The following TMTC1 variants were observed in gnomAD, a reference collection of about 807,000 sequenced individuals.
TMTC1 encodes the protein protein O-mannosyl-transferase TMTC1.
A neutral mutation model predicts 104.8 loss-of-function variants in TMTC1; 73 were observed. The observed-to-expected ratio is 0.70, with a 90% CI of 0.58 to 0.85. The LOEUF is 0.85. TMTC1 is among the 40% of genes least tolerant of loss of function. TMTC1 has a pLI of 0.00. For synonymous variants in TMTC1, 434 were observed against 428.7 expected, an observed-to-expected ratio of 1.01 and a Z score of -0.15; for missense variants, 1,035 against 1,096.1, an observed-to-expected ratio of 0.94 and a Z score of 0.79.
At chr12:29,529,615 A>G (rs191901754) in intron 11 of TMTC1, among the ~76,000 whole-genome samples, 1 of 152,216 alleles carries the variant, frequency 6.6e-6, no homozygotes, top group Non-Finnish European at 1.5e-5. Flanking sequence ...TCTCCAAGAA[A>G]CTATTCAAGA....
At chr12:29,686,825 C>T (rs2136738616) in intron 5 of TMTC1, among the ~76,000 whole-genome samples, 1 of 152,324 alleles carries the variant, frequency 6.6e-6, no homozygotes, top group East Asian at 1.9e-4. Flanking sequence ...CTAGCTATAA[C>T]AATCTCATCT....
At chr12:29,698,058 G>C (rs1941476547) in intron 5 of TMTC1, among the ~76,000 whole-genome samples, 1 of 152,076 alleles carries the variant, frequency 6.6e-6, no homozygotes, top group South Asian at 2.1e-4. Context: ...GCTGGAAGAG[G>C]CTTTCCTCTG....
In TMTC1 at chr12:29,751,737, G is replaced by C. The variant is rs142288626; in HGVS notation, c.867C>G (p.His289Gln). The C allele has an allele frequency of 2.9e-5, 47 of 1,614,038 alleles. No homozygotes were observed. The African/African-American group carries it at 5.5e-4, about 19-fold the overall frequency. ...FPHKGAWGGC[H>Q]SPLPPEPKSS... ...TCTTGGGTTCTGGTGGCAGTGGAGA[G>C]TGGCAGCCACCCCAAGCTCCTTTGT... is the stretch of plus-strand genomic sequence containing the variant. The change falls in exon 5 of 18, where the codon CAC becomes CAG. Residue 289 changes from histidine to glutamine, a missense_variant. His to Gln is a conservative substitution (Grantham distance 24). Coordinates refer to ENST00000539277, the MANE Select transcript of TMTC1 (RefSeq NM_001193451.2).
chr12:29,610,199 A>G (rs16934622), intron 6 of TMTC1, among the ~76,000 whole-genome samples: 2,293 of 152,282 alleles, frequency 0.015, 49 homozygotes, highest in African/African-American at 0.052. Flanking sequence ...GTGGACCTCA[A>G]AAAAGGATCG....
chr12:29,712,195 C>T (rs1240431230), intron 5 of TMTC1, among the ~76,000 whole-genome samples: 1 of 152,088 alleles, frequency 6.6e-6, no homozygotes, highest in Non-Finnish European at 1.5e-5. Flanking sequence ...GTTTATCTTA[C>T]ATTATGTTGA....
chr12:29,647,096 C>T (rs1283594172), intron 5 of TMTC1, among the ~76,000 whole-genome samples: 1 of 152,200 alleles, frequency 6.6e-6, no homozygotes, highest in African/African-American at 2.4e-5. Context: ...AATCTCGGCT[C>T]ACTGCAACAT....
chr12:29,669,258 C>G (rs1190774171), intron 5 of TMTC1, among the ~76,000 whole-genome samples: 1 of 152,192 alleles, frequency 6.6e-6, no homozygotes, highest in Admixed American at 6.5e-5. Flanking sequence ...GCTGGAAGAT[C>G]TAATACTGGT....
intron 8 of TMTC1, among the ~76,000 whole-genome samples, chr12:29,572,496 C>A (rs918725511): frequency 6.6e-6 from 1 of 152,172 alleles, no homozygotes; most frequent in Non-Finnish European, 1.5e-5. Context: ...AAACATAGGA[C>A]CTTTGTTGTG....
chr12:29,758,327 C>A (rs980468586), intron 3 of TMTC1, among the ~76,000 whole-genome samples: 2 of 151,960 alleles, frequency 1.3e-5, no homozygotes, highest in African/African-American at 4.8e-5. Flanking sequence ...GTATTAGGAA[C>A]AAAATGAAAA....
intron 2 of TMTC1, among the ~76,000 whole-genome samples, chr12:29,762,293 C>T (rs1022200267): frequency 6.6e-6 from 1 of 152,194 alleles, no homozygotes; most frequent in African/African-American, 2.4e-5. Flanking sequence ...AACACCCACT[C>T]CCTCAGGGTG....
intron 9 of TMTC1, chr12:29,568,866 T>C: frequency 2.2e-6 from 1 of 455,534 alleles, no homozygotes; most frequent in Non-Finnish European, 4.4e-6. Flanking sequence ...TCACACAAGG[T>C]AGAATGTTAG....
At chr12:29,661,173 G>T in intron 5 of TMTC1, 1 of 184,420 alleles carries the variant, frequency 5.4e-6, no homozygotes, top group Non-Finnish European at 1.0e-5. Flanking sequence ...GAACAAATGA[G>T]ATAATATCTA....
intron 7 of TMTC1, among the ~76,000 whole-genome samples, chr12:29,585,871 G>A (rs1403745362): frequency 1.1e-4 from 17 of 152,170 alleles, no homozygotes; most frequent in Non-Finnish European, 2.4e-4. Flanking sequence ...GTCAGGTAGC[G>A]TGATGCCTCC....
In TMTC1 at chr12:29,711,768, G is replaced by A. The variant is rs545235378; in HGVS notation, c.938+39898C>T. 7.9e-5 allele frequency among the ~76,000 whole-genome samples: 12 copies of A among 152,158 alleles called. No homozygotes were observed. The South Asian group carries it at 2.5e-3, about 32-fold the overall frequency. The stretch of plus-strand genomic sequence containing the variant: ...TGCCTGTAATCCCAGCACTTTGGGG[G>A]GCCAAGGCAGGCAGATCATGAGGTC... On this transcript the variant is annotated intron_variant, in intron 5 of 17. Transcript: ENST00000539277.
chr12:29,545,848 A>T lies in TMTC1; in HGVS notation c.1677-9531T>A, dbSNP rs112363083. Among the ~76,000 whole-genome samples the T allele has an allele frequency of 4.3e-3, 649 of 152,252 alleles. 6 individuals are homozygous for T. Among genetic ancestry groups the T allele is most frequent in the African/African-American group, 0.015 (617 of 41,534 alleles). ...GGCTGATGATAATTAATAATAGTTAAAGCTTATTTCATCTTCATTGGGTAA... is the reference window on the plus strand; with the variant it reads ...GGCTGATGATAATTAATAATAGTTATAGCTTATTTCATCTTCATTGGGTAA... On this transcript the variant is annotated intron_variant, in intron 10 of 17. Coordinates refer to ENST00000539277, the MANE Select transcript of TMTC1 (RefSeq NM_001193451.2).
chr12:29,706,543 A>G (rs1941750013), intron 5 of TMTC1, among the ~76,000 whole-genome samples: 1 of 152,124 alleles, frequency 6.6e-6, no homozygotes. Context: ...AATTACTTCT[A>G]TGTACATTTT....
At chr12:29,589,486 T>C (rs73266079) in intron 7 of TMTC1, among the ~76,000 whole-genome samples, 3,218 of 152,300 alleles carry the variant, frequency 0.021, 57 homozygotes, top group African/African-American at 0.052. Flanking sequence ...CTGTAGAGGA[T>C]TTGACTTGAC....
At chr12:29,561,729 G>A (rs1167921471) in intron 9 of TMTC1, among the ~76,000 whole-genome samples, 1 of 152,126 alleles carries the variant, frequency 6.6e-6, no homozygotes, top group Non-Finnish European at 1.5e-5. Context: ...TTATCTGAGT[G>A]CCGTATATGG....
chr12:29,554,041 G>A (rs1945174447), intron 10 of TMTC1, among the ~76,000 whole-genome samples: 2 of 152,142 alleles, frequency 1.3e-5, no homozygotes, highest in South Asian at 4.2e-4. Flanking sequence ...ATATAATCCA[G>A]GTACCCCAAA....
Sources: allele counts gnomAD v4.1 joint callset (sites outside exome capture counted in the v4.1 genomes callset), GRCh38; gene constraint gnomAD v4.1.1; transcripts MANE v1.5; gene names NCBI Gene and HGNC (gene_info 2026-07-23, HGNC 2026-07-21).